The following ACAN variants were observed in gnomAD, a reference collection of about 807,000 sequenced individuals.
The protein encoded by ACAN is aggrecan core protein.
A neutral mutation model predicts 169.1 loss-of-function variants in ACAN; 47 were observed. The ratio of observed to expected loss-of-function variants is 0.28; its 90% CI spans 0.22 to 0.35. The LOEUF is 0.35. ACAN is among the 10% of genes least tolerant of loss of function. The pLI is 1.00. For synonymous variants in ACAN, 1,115 were observed against 1,112.2 expected, an observed-to-expected ratio of 1.00 and a Z score of -0.05; for missense variants, 2,716 against 2,759.9, an observed-to-expected ratio of 0.98 and a Z score of 0.36.
chr15:88,872,114 GC>G lies in ACAN; in HGVS notation c.7302+32del. On this transcript the variant is annotated intron_variant, in intron 16 of 18. Coordinates refer to ENST00000560601, the MANE Select transcript of ACAN (RefSeq NM_001369268.1). The surrounding 1 kb of genome is among the most constrained non-coding windows in gnomAD (Gnocchi z 5.4). ...AGTTCTGCTGTAGGCACAGCTGGTGGCCCAGGGGACAGGGAGTGGGATAGAG... is the reference window on the plus strand; with the variant it reads ...AGTTCTGCTGTAGGCACAGCTGGTGGCCAGGGGACAGGGAGTGGGATAGAG... 1 of 1,600,016 alleles carries G rather than the reference GC, an allele frequency of 6.2e-7. No individual in the cohort carries two copies. The highest frequency in any genetic ancestry group is 1.7e-4 in the Middle Eastern group (1 of 6,028).
At position 88,840,971 on chromosome 15, in the gene ACAN, C is replaced by T. The variant is rs529567610; in HGVS notation, c.630-769C>T. 5.6e-4 allele frequency among the ~76,000 whole-genome samples: 85 copies of T among 152,034 alleles called. 1 individual carries two copies. The highest frequency in any genetic ancestry group is 6.8e-3 in the Middle Eastern group (2 of 292). Reference sequence around the variant, plus strand: ...CATCCTAGCTAACATGGTGAAACCCCATCTCTACTAAAAAATACAAAAAAT... The same window carrying T: ...CATCCTAGCTAACATGGTGAAACCCTATCTCTACTAAAAAATACAAAAAAT... On this transcript the variant is annotated intron_variant, in intron 4 of 18. Transcript: ENST00000560601.
intron 1 of ACAN, among the ~76,000 whole-genome samples, chr15:88,833,315 T>A (rs1443088968): frequency 6.6e-6 from 1 of 152,194 alleles, no homozygotes; most frequent in Non-Finnish European, 1.5e-5. Context: ...TCCCTGGTGA[T>A]GAACCCAAAC....
At chr15:88,818,636 C>G (rs1261571726) in intron 1 of ACAN, among the ~76,000 whole-genome samples, 1 of 152,172 alleles carries the variant, frequency 6.6e-6, no homozygotes, top group African/African-American at 2.4e-5. Context: ...ACTCAATAGT[C>G]TGACTCAGCA....
In ACAN at chr15:88,858,807, C is replaced by T; in HGVS notation, c.6222C>T (p.Ser2074=). The T allele has an allele frequency of 6.2e-7, 1 of 1,613,868 alleles. No individual in the cohort carries two copies. The highest frequency in any genetic ancestry group is 8.5e-7 in the Non-Finnish European group (1 of 1,179,868). ...TTTTTGAGTCCAGTGGAAAAGTCTC[C>T]ACAGCTGGGGACATTAGTGGAGCTA... The part of the protein sequence containing the change: ...PQLFESSGKV[S]TAGDISGATP... Residue 2074 remains serine (S), a synonymous_variant, in exon 12 of 19, where the codon TCC becomes TCT. Transcript: ENST00000560601. This position sits in a 1 kb window ranked among gnomAD's most constrained non-coding sequence, Gnocchi z 4.0.
rs763519030 is a variant in ACAN, at chr15:88,859,065, G to A, written c.6480G>A (p.Glu2160=). The A allele has an allele frequency of 3.1e-6, 5 of 1,613,840 alleles. No individual in the cohort carries two copies. Among genetic ancestry groups the A allele is most frequent in the Non-Finnish European group, 3.4e-6 (4 of 1,179,914 alleles). ...GCACTTTGACATTTCAAGAAGGCGA[G>A]GCGTCCGCTGCCCCAGAAGTGAGTG... is the stretch of plus-strand genomic sequence containing the variant. ...SGSTLTFQEG[E]ASAAPEVSGE... The change falls in exon 12 of 19, where the codon GAG becomes GAA. Residue 2160 remains glutamate, a synonymous_variant. Coordinates refer to ENST00000560601, the MANE Select transcript of ACAN (RefSeq NM_001369268.1).
In ACAN at chr15:88,848,162, A is replaced by G. The variant is rs903285442; in HGVS notation, c.1732+124A>G. On this transcript the variant is annotated intron_variant, in intron 9 of 18. Coordinates refer to ENST00000560601, the MANE Select transcript of ACAN (RefSeq NM_001369268.1). ...CACCCCTGATTCCACCCAGCTTTCC[A>G]GGTGGGAAAGGGTCCTGCTGAAAAA... is the stretch of plus-strand genomic sequence containing the variant. The G allele has an allele frequency of 2.7e-5, 38 of 1,389,656 alleles. No individual in the cohort carries two copies. In the African/African-American group the frequency reaches 3.5e-4, roughly 13 times the overall value. 86.1% of individuals were successfully genotyped at this position (1,389,656 alleles called of 1,614,324 possible). A position where few individuals can be genotyped will look rare whatever the true frequency, so the allele number is the denominator to read the frequency against.
intron 1 of ACAN, among the ~76,000 whole-genome samples, chr15:88,826,512 G>A (rs1274348417): frequency 2.0e-5 from 3 of 151,440 alleles, no homozygotes; most frequent in African/African-American, 7.3e-5. Flanking sequence ...CAGAGCCCCA[G>A]CAGGGCCCTG....
chr15:88,836,146 T>G, intron 1 of ACAN, 54 bp from the exon 2 acceptor site: 14 of 1,313,110 alleles, frequency 1.1e-5, no homozygotes, highest in Non-Finnish European at 1.4e-5. Context: ...TGACTCTGCT[T>G]GACCTCACCA....
chr15:88,863,050 G>C (rs1269249949), intron 13 of ACAN, among the ~76,000 whole-genome samples: 4 of 151,378 alleles, frequency 2.6e-5, no homozygotes, highest in Admixed American at 1.3e-4. Flanking sequence ...TCCTCGGGGG[G>C]CCATAGGGAG....
At chr15:88,824,205 T>C (rs566524866) in intron 1 of ACAN, among the ~76,000 whole-genome samples, 4 of 151,888 alleles carry the variant, frequency 2.6e-5, no homozygotes, top group Admixed American at 2.6e-4. Flanking sequence ...GCACCTGTAG[T>C]CCCAGCTACT....
Position 88,816,254 on chromosome 15 carries a change from G to T in ACAN, c.-8+12445G>T, listed in dbSNP as rs188894468. On this transcript the variant is annotated intron_variant, in intron 1 of 18. Transcript: ENST00000560601. ...ATGGGGGTTCAGGCTTAGACATAAG[G>T]TATCTTTTTTTGGTGGGAGGGACTC... Among the ~76,000 whole-genome samples the T allele has an allele frequency of 9.2e-5, 14 of 152,270 alleles. No individual in the cohort carries two copies. The East Asian group carries it at 2.7e-3, about 29-fold the overall frequency.
intron 7 of ACAN, 25 bp from the exon 8 acceptor site, chr15:88,847,218 T>G: frequency 6.5e-7 from 1 of 1,528,152 alleles, no homozygotes; most frequent in Non-Finnish European, 8.8e-7. Flanking sequence ...TCCCTGAACC[T>G]GACCGCTCCC....
At chr15:88,842,584 T>C (rs1418637358) in intron 5 of ACAN, among the ~76,000 whole-genome samples, 2 of 147,874 alleles carry the variant, frequency 1.4e-5, no homozygotes, top group Non-Finnish European at 3.0e-5. Context: ...CAACTGGCAC[T>C]TTCTGGGTGA....
At position 88,857,544 on chromosome 15, in the gene ACAN, A is replaced by G. The variant is rs374570636; in HGVS notation, c.4959A>G (p.Pro1653=). 3 of 1,613,958 alleles carry G rather than the reference A, an allele frequency of 1.9e-6. No individual in the cohort carries two copies. The highest frequency in any genetic ancestry group is 1.3e-5 in the African/African-American group (1 of 75,068). ...PSGLPDFSGL[P]SGFPTVSLVD... The stretch of plus-strand genomic sequence containing the variant: ...GCCTGCCTGACTTTAGTGGACTTCC[A>G]TCTGGATTCCCAACTGTTTCCCTAG... The change falls in exon 12 of 19, where the codon CCA becomes CCG. Residue 1653 remains proline (P), a synonymous_variant. Transcript: ENST00000560601.
intron 1 of ACAN, among the ~76,000 whole-genome samples, chr15:88,822,654 G>A (rs570245326): frequency 2.0e-5 from 3 of 151,998 alleles, no homozygotes; most frequent in Admixed American, 6.5e-5. Flanking sequence ...GGCTAGTCTC[G>A]AACTCCTGAC....
intron 5 of ACAN, among the ~76,000 whole-genome samples, 192 bp downstream of exon 5, chr15:88,842,059 G>A (rs1896675979): frequency 6.6e-6 from 1 of 152,162 alleles, no homozygotes; most frequent in South Asian, 2.1e-4. Context: ...ACTTTGGAGA[G>A]GGTCTCAGTG....
In ACAN at chr15:88,870,475, A is replaced by G. The variant is rs1385219462; in HGVS notation, c.7061-907A>G. On this transcript the variant is annotated intron_variant, in intron 14 of 18. Transcript: ENST00000560601. This position sits in a 1 kb window ranked among gnomAD's most constrained non-coding sequence, Gnocchi z 6.3. ...GGAGCCCTGATTGTAGCATCTGCCA[A>G]TTCCTGAGGTGTAAATGCTTCCACC... 1.3e-5 allele frequency among the ~76,000 whole-genome samples: 2 copies of G among 152,200 alleles called. No individual in the cohort carries two copies. Among genetic ancestry groups the G allele is most frequent in the African/African-American group, 4.8e-5 (2 of 41,434 alleles).
At chr15:88,827,950 G>A (rs938327180) in intron 1 of ACAN, among the ~76,000 whole-genome samples, 5 of 152,132 alleles carry the variant, frequency 3.3e-5, no homozygotes, top group Non-Finnish European at 5.9e-5. Flanking sequence ...TTGCACCAGG[G>A]CCTGCTCCCA....
At chr15:88,830,605 C>A (rs938907398) in intron 1 of ACAN, among the ~76,000 whole-genome samples, 1 of 152,150 alleles carries the variant, frequency 6.6e-6, no homozygotes, top group East Asian at 1.9e-4. Context: ...CAAATACTTC[C>A]CTCTGTGTAT....
Sources: gnomAD v4.1 joint callset for allele counts (sites outside exome capture counted in the v4.1 genomes callset) on GRCh38, gnomAD v4.1.1 for gene constraint, Gnocchi (gnomAD v3.1) non-coding constraint, MANE v1.5 for transcripts, NCBI Gene and HGNC (gene_info 2026-07-23, HGNC 2026-07-21) for gene names.